Variants in QKI observed in about 807,000 individuals in gnomAD.
The protein encoded by QKI is KH domain-containing RNA-binding protein QKI.
QKI carries 10 observed loss-of-function variants against 39.0 expected under a neutral mutation model. The ratio of observed to expected loss-of-function variants is 0.26; its 90% confidence interval spans 0.16 to 0.43. The LOEUF (loss-of-function observed/expected upper bound fraction) is 0.43. QKI is among the 20% of genes least tolerant of loss of function. The probability of loss-of-function intolerance (pLI) is 1.00; values close to 1 mark genes in which losing one functional copy is unlikely to be tolerated. For synonymous variants in QKI, 204 were observed against 155.4 expected, an observed-to-expected ratio of 1.31 and a Z score of -2.33; for missense variants, 218 against 428.0, an observed-to-expected ratio of 0.51 and a Z score of 4.33.
chr6:163,494,118 G>A (rs1441057893), intron 3 of QKI, among the ~76,000 whole-genome samples: 1 of 151,642 alleles, frequency 6.6e-6, no homozygotes, highest in Non-Finnish European at 1.5e-5. Context: ...GCCAACCACA[G>A]ATCAAAAAAT....
At chr6:163,531,283 G>A (rs566588755) in intron 3 of QKI, among the ~76,000 whole-genome samples, 64 of 152,256 alleles carry the variant, frequency 4.2e-4, no homozygotes, top group African/African-American at 8.4e-4. Flanking sequence ...GGAGATGGCC[G>A]GCCAGCCCAG....
In QKI at chr6:163,474,787, T is replaced by TAAA. The variant is rs35897463; in HGVS notation, c.286-3975_286-3973dup. 5.2e-3 allele frequency among the ~76,000 whole-genome samples: 568 copies of TAAA among 108,598 alleles called. 9 individuals carry two copies. The highest frequency in any genetic ancestry group is 0.027 in the East Asian group (97 of 3,656). 71.2% of individuals were successfully genotyped at this position (108,598 alleles called of 152,430 possible). ...TGAGACCTGATGTCTACAAAAAAGTTAAAAAAAAAAAAAAAAAAAAGCCAG... is the reference window on the plus strand; with the variant it reads ...TGAGACCTGATGTCTACAAAAAAGTTAAAAAAAAAAAAAAAAAAAAAAAGCCAG... On this transcript the variant is annotated intron_variant, in intron 2 of 7. Coordinates refer to ENST00000361752, the MANE Select transcript of QKI (RefSeq NM_006775.3).
chr6:163,456,624 A>G (rs551202318), intron 2 of QKI, among the ~76,000 whole-genome samples: 53 of 152,170 alleles, frequency 3.5e-4, no homozygotes, highest in African/African-American at 1.1e-3. Flanking sequence ...TTACATTACA[A>G]TTTGCAAAAA....
intron 1 of QKI, among the ~76,000 whole-genome samples, chr6:163,439,330 G>GTTTTTTT (rs200238041): frequency 8.3e-6 from 1 of 120,708 alleles, no homozygotes; most frequent in African/African-American, 3.3e-5. Context: ...ATCCTTCGTG[G>GTTTTTTT]TTTTTTTTTG....
chr6:163,461,697 TC>T (rs1791364187), intron 2 of QKI, among the ~76,000 whole-genome samples: 1 of 152,184 alleles, frequency 6.6e-6, no homozygotes, highest in Non-Finnish European at 1.5e-5. Context: ...CTATCCATAT[TC>T]CAGGAACATT....
chr6:163,460,551 GAGTT>G (rs1371992424), intron 2 of QKI, among the ~76,000 whole-genome samples: 2 of 152,128 alleles, frequency 1.3e-5, no homozygotes, highest in African/African-American at 2.4e-5. Context: ...CATAGCTTCT[GAGTT>G]AGTTAGCATA....
intron 1 of QKI, among the ~76,000 whole-genome samples, chr6:163,432,856 G>A (rs1180549404): frequency 6.6e-6 from 1 of 152,072 alleles, no homozygotes. Flanking sequence ...ATTTTGAAGG[G>A]TGATTAGTTA....
At chr6:163,559,401 TAA>T (rs542752270) in intron 4 of QKI, among the ~76,000 whole-genome samples, 3 of 151,712 alleles carry the variant, frequency 2.0e-5, no homozygotes, top group African/African-American at 4.8e-5. Flanking sequence ...AAACTTTTGA[TAA>T]GTTTTAATTT....
At chr6:163,431,903 C>T (rs1788866167) in intron 1 of QKI, among the ~76,000 whole-genome samples, 2 of 149,634 alleles carry the variant, frequency 1.3e-5, no homozygotes, top group African/African-American at 2.5e-5. Flanking sequence ...TAGACCCATT[C>T]TTCATTATAT....
At chr6:163,563,107 A>G (rs1783132943) in intron 5 of QKI, among the ~76,000 whole-genome samples, 1 of 152,202 alleles carries the variant, frequency 6.6e-6, no homozygotes, top group African/African-American at 2.4e-5. Context: ...GTGCTTCTGC[A>G]TGTACTTTAG....
In QKI at chr6:163,574,290, CTG is replaced by C. The variant is rs1250245368; in HGVS notation, c.*3582_*3583del. The C allele has an allele frequency of 6.6e-5, 10 of 152,144 alleles. No individual in the cohort carries two copies. The highest frequency in any genetic ancestry group is 1.9e-4 in the African/African-American group (8 of 41,428). The allele number at this position is 152,144 out of a possible 1,614,324, so 9.4% of individuals were successfully genotyped here. On this transcript the variant is annotated 3_prime_UTR_variant, in exon 8 of 8. Transcript: ENST00000361752. ...ATGGTCACATTGTAAAGCAGAGAAACTGTTGATATTTTACCTTTATTTAGATT... is the reference window on the plus strand; with the variant it reads ...ATGGTCACATTGTAAAGCAGAGAAACTTGATATTTTACCTTTATTTAGATT...
At chr6:163,460,077 A>G (rs1453799003) in intron 2 of QKI, among the ~76,000 whole-genome samples, 2 of 152,234 alleles carry the variant, frequency 1.3e-5, no homozygotes, top group Non-Finnish European at 2.9e-5. Context: ...CTGCCAGAGT[A>G]GTAGACTTGA....
intron 4 of QKI, among the ~76,000 whole-genome samples, chr6:163,549,670 C>A (rs926319051): frequency 6.6e-6 from 1 of 152,132 alleles, no homozygotes; most frequent in African/African-American, 2.4e-5. Flanking sequence ...CGAGATCGTG[C>A]CACTGCACTC....
At chr6:163,550,399 T>TTGGAGGGGA in intron 4 of QKI, among the ~76,000 whole-genome samples, 1 of 152,192 alleles carries the variant, frequency 6.6e-6, no homozygotes, top group Non-Finnish European at 1.5e-5. Flanking sequence ...GGATTAAGTT[T>TTGGAGGGGA]CAACATGAGT....
intron 4 of QKI, among the ~76,000 whole-genome samples, chr6:163,552,098 T>G (rs1191200868): frequency 6.6e-6 from 1 of 151,924 alleles, no homozygotes; most frequent in East Asian, 1.9e-4. Flanking sequence ...ACTGTATTCT[T>G]ACAATAAAAT....
Position 163,429,797 on chromosome 6 carries a change from T to C in QKI, c.142+14462T>C, listed in dbSNP as rs1194697763. 2.6e-5 allele frequency among the ~76,000 whole-genome samples: 4 copies of C among 152,328 alleles called. No homozygotes were observed. The East Asian group carries it at 7.7e-4, about 29-fold the overall frequency. On this transcript the variant is annotated intron_variant, in intron 1 of 7. Coordinates refer to ENST00000361752, the MANE Select transcript of QKI (RefSeq NM_006775.3). ...AACATACTTAATTGAAACTTTTCAT[T>C]CTATTCTAGGCTGTTTGGTTGTATG...
chr6:163,564,372 T>G, intron 6 of QKI: 3 of 1,197,314 alleles, frequency 2.5e-6, no homozygotes, highest in Non-Finnish European at 3.2e-6. Flanking sequence ...TATAATCTTA[T>G]GGGACCACAT....
intron 3 of QKI, among the ~76,000 whole-genome samples, chr6:163,517,804 GTC>G (rs1370465429): frequency 6.6e-6 from 1 of 152,086 alleles, no homozygotes; most frequent in African/African-American, 2.4e-5. Flanking sequence ...CCTAAATAGT[GTC>G]TCTCTTTATT....
chr6:163,478,134 T>G (rs1480370807), intron 2 of QKI, among the ~76,000 whole-genome samples: 1 of 152,164 alleles, frequency 6.6e-6, no homozygotes, highest in Non-Finnish European at 1.5e-5. Context: ...ATGGTAATTT[T>G]TTATTTTTTT....
Sources: gnomAD v4.1 joint callset for allele counts (sites outside exome capture counted in the v4.1 genomes callset) on GRCh38, gnomAD v4.1.1 for gene constraint, MANE v1.5 for transcripts, NCBI Gene and HGNC (gene_info 2026-07-23, HGNC 2026-07-21) for gene names.